PSD2: variants seen among roughly 807,000 people sequenced by gnomAD.
The protein encoded by PSD2 is PH and SEC7 domain-containing protein 2.
In PSD2, 38 loss-of-function variants were observed where a neutral mutation model predicts 69.8. The observed-to-expected ratio is 0.54, with a 90% CI of 0.42 to 0.71. The LOEUF is 0.71. PSD2 is among the 30% of genes least tolerant of loss of function. The pLI is 0.00. For missense variants in PSD2, 943 were observed against 1,014.5 expected (o/e 0.93, Z 0.96); for synonymous variants, 412 against 423.0 (o/e 0.97, Z 0.32).
chr5:139,745,464 G>A, the PSD2 span, among the ~76,000 whole-genome samples: 2 of 152,232 alleles, frequency 1.3e-5, no homozygotes, highest in Non-Finnish European at 2.9e-5. Context: ...GTGTGGGCCA[G>A]GAGACTGGGC....
the PSD2 span, among the ~76,000 whole-genome samples, chr5:139,777,568 G>T: frequency 6.6e-6 from 1 of 152,180 alleles, no homozygotes; most frequent in Non-Finnish European, 1.5e-5. Context: ...GAAAAATTTA[G>T]TTTCCAAAGG....
chr5:139,781,711 G>A, the PSD2 span, among the ~76,000 whole-genome samples: 42 of 150,924 alleles, frequency 2.8e-4, no homozygotes, highest in Admixed American at 2.7e-3. Flanking sequence ...TCGGCTCACT[G>A]CAACCTCCGC....
chr5:139,786,362 T>C, the PSD2 span, among the ~76,000 whole-genome samples: 6 of 152,146 alleles, frequency 3.9e-5, no homozygotes, highest in Admixed American at 3.9e-4. Flanking sequence ...CACTCCAGCC[T>C]GGGGGACAGA....
intron 7 of PSD2, among the ~76,000 whole-genome samples, chr5:139,828,337 A>T (rs1001475670): frequency 9.2e-5 from 14 of 152,118 alleles, no homozygotes; most frequent in African/African-American, 3.4e-4. Context: ...TGAAACAAAG[A>T]TTAATTGTTT....
chr5:139,836,739 G>C lies in PSD2; in HGVS notation c.1404-72G>C. ...ACCCTGGCTCCTGGAGAGGAGGCTG[G>C]TGGGGAAAGGCCATGACGATGCGGG... On this transcript the variant is annotated intron_variant, in intron 9 of 14. Coordinates refer to ENST00000274710, the MANE Select transcript of PSD2 (RefSeq NM_032289.4). 3 of 1,394,910 alleles carry C rather than the reference G, an allele frequency of 2.2e-6. No homozygotes were observed. The East Asian group carries it at 6.9e-5, about 32-fold the overall frequency. The allele number at this position is 1,394,910 out of a possible 1,614,324, so 86.4% of individuals were successfully genotyped here.
the PSD2 span, among the ~76,000 whole-genome samples, chr5:139,783,632 T>C: frequency 2.0e-5 from 3 of 152,234 alleles, no homozygotes; most frequent in South Asian, 2.1e-4. Context: ...GGTCTTGCTG[T>C]GTTGCCCAGG....
upstream of PSD2, among the ~76,000 whole-genome samples, chr5:139,792,741 T>C (rs1759435587): frequency 6.6e-6 from 1 of 151,780 alleles, no homozygotes; most frequent in African/African-American, 2.4e-5. Context: ...TCTCTTTCTT[T>C]TTTCTTTCTT....
chr5:139,790,795 C>T, the PSD2 span, among the ~76,000 whole-genome samples: 2 of 152,076 alleles, frequency 1.3e-5, no homozygotes, highest in African/African-American at 2.4e-5. Context: ...GTAATCCCAG[C>T]TCTTTGGGAG....
chr5:139,748,531 G>T, the PSD2 span, among the ~76,000 whole-genome samples: 8 of 152,146 alleles, frequency 5.3e-5, no homozygotes, highest in African/African-American at 1.9e-4. Context: ...TTTCAAGCCA[G>T]CACCCAGCAA....
chr5:139,749,590 C>CT, the PSD2 span, among the ~76,000 whole-genome samples: 1 of 152,198 alleles, frequency 6.6e-6, no homozygotes, highest in Non-Finnish European at 1.5e-5. Flanking sequence ...GCTTGGATTC[C>CT]TTTCCTCAGG....
At chr5:139,743,005 T>C in the PSD2 span, among the ~76,000 whole-genome samples, 3 of 152,352 alleles carry the variant, frequency 2.0e-5, no homozygotes, top group African/African-American at 7.2e-5. Context: ...ACTTGGAGTC[T>C]GTGGCCCTGT....
At chr5:139,816,898 G>A (rs1760134632) in intron 4 of PSD2, among the ~76,000 whole-genome samples, 1 of 152,206 alleles carries the variant, frequency 6.6e-6, no homozygotes, top group South Asian at 2.1e-4. Context: ...ATCTCCCGCA[G>A]GGGACCACCT....
Position 139,814,578 on chromosome 5 carries a change from G to C in PSD2, c.1016+214G>C, listed in dbSNP as rs1031601595. Among the ~76,000 whole-genome samples, 1 of 152,074 alleles carries C rather than the reference G, an allele frequency of 6.6e-6. No individual in the cohort carries two copies. Among genetic ancestry groups the C allele is most frequent in the Non-Finnish European group, 1.5e-5 (1 of 68,014 alleles). On this transcript the variant is annotated intron_variant, in intron 4 of 14. Coordinates refer to ENST00000274710, the MANE Select transcript of PSD2 (RefSeq NM_032289.4). The surrounding 1 kb of genome is among the most constrained non-coding windows in gnomAD (Gnocchi z 4.4). ...CTGCTTGGGCGAAGCTGATGCTCTCGGGGAGGGGTGGTGGCGGGCAGCCCC... is the reference window on the plus strand; with the variant it reads ...CTGCTTGGGCGAAGCTGATGCTCTCCGGGAGGGGTGGTGGCGGGCAGCCCC...
intron 1 of PSD2, among the ~76,000 whole-genome samples, chr5:139,801,374 G>T (rs1759671028): frequency 6.6e-6 from 1 of 152,122 alleles, no homozygotes; most frequent in African/African-American, 2.4e-5. Context: ...TCCTGTCGCT[G>T]CACCCAGTGG....
At chr5:139,805,797 C>A (rs1366114949) in intron 1 of PSD2, among the ~76,000 whole-genome samples, 1 of 152,146 alleles carries the variant, frequency 6.6e-6, no homozygotes. Flanking sequence ...TGTGGGAGAG[C>A]ATGGGGACAT....
At chr5:139,835,034 C>T (rs960328661) in intron 8 of PSD2, among the ~76,000 whole-genome samples, 5 of 151,798 alleles carry the variant, frequency 3.3e-5, no homozygotes, top group Admixed American at 6.6e-5. Context: ...CCCTGTACTC[C>T]TCAAACACTC....
chr5:139,781,623 C>T, the PSD2 span, among the ~76,000 whole-genome samples: 12 of 150,402 alleles, frequency 8.0e-5, no homozygotes, highest in East Asian at 5.8e-4. Flanking sequence ...GTGTGAGCCA[C>T]GGCGCCTGGC....
chr5:139,773,540 T>C, the PSD2 span, among the ~76,000 whole-genome samples: 1 of 152,340 alleles, frequency 6.6e-6, no homozygotes, highest in African/African-American at 2.4e-5. Context: ...TCTGTCTCTA[T>C]GAATTTGACT....
chr5:139,813,583 G>A lies in PSD2; in HGVS notation c.646G>A (p.Gly216Arg). ...EGDMGAAGGD[G>R]ELGSPLRRSI... ...GGACATGGGGGCAGCTGGTGGTGAT[G>A]GGGAGCTGGGCAGCCCCCTGCGGCG... The change falls in exon 3 of 15, where the codon GGG becomes AGG. Residue 216 changes from glycine (G) to arginine (R), a missense_variant. Gly to Arg is a moderately radical substitution (Grantham distance 125, BLOSUM62 -2). This residue lies in a region of PSD2 where 466 missense variants were observed against 445.0 expected (regional missense o/e 1.05). Coordinates refer to ENST00000274710, the MANE Select transcript of PSD2 (RefSeq NM_032289.4). 9 of 1,613,484 alleles carry A rather than the reference G, an allele frequency of 5.6e-6. No individual in the cohort carries two copies. The highest frequency in any genetic ancestry group is 7.6e-6 in the Non-Finnish European group (9 of 1,179,472).
Sources: gnomAD v4.1 joint callset for allele counts (sites outside exome capture counted in the v4.1 genomes callset) on GRCh38, gnomAD v4.1.1 for gene constraint, gnomAD v4.1.1 regional missense constraint, Gnocchi (gnomAD v3.1) non-coding constraint, MANE v1.5 for transcripts, NCBI Gene and HGNC (gene_info 2026-07-23, HGNC 2026-07-21) for gene names.